NUP210L: variants seen among roughly 807,000 people sequenced by gnomAD.
NUP210L encodes nuclear pore membrane glycoprotein 210-like.
Under a neutral mutation model 208.5 loss-of-function variants are expected in NUP210L, and 74 were observed. The observed-to-expected ratio is 0.35, with a 90% CI of 0.29 to 0.43. The LOEUF is 0.43. Ranked by LOEUF, NUP210L falls within the 20% of genes least tolerant of loss-of-function variation. The pLI is 1.00. For synonymous variants in NUP210L, 780 were observed against 816.9 expected, an observed-to-expected ratio of 0.95 and a Z score of 0.77; for missense variants, 1,843 against 2,289.4, an observed-to-expected ratio of 0.81 and a Z score of 3.98.
At chr1:154,014,134 C>T (rs1651115841) in intron 33 of NUP210L, among the ~76,000 whole-genome samples, 1 of 152,086 alleles carries the variant, frequency 6.6e-6, no homozygotes, top group Non-Finnish European at 1.5e-5. Flanking sequence ...TTTTTAAATT[C>T]AAGAACCTTA....
At chr1:154,001,788 CTTG>C in exon 36 of NUP210L, 1 of 1,614,128 alleles carries the variant, frequency 6.2e-7, no homozygotes, top group Admixed American at 1.7e-5. Flanking sequence ...TCCCCGATAT[CTTG>C]TTTGTGGCTA....
intron 10 of NUP210L, among the ~76,000 whole-genome samples, chr1:154,125,905 C>G (rs1369180916): frequency 3.3e-5 from 5 of 150,734 alleles, no homozygotes; most frequent in Admixed American, 2.7e-4. Context: ...GTAGCTGGAA[C>G]TACAGGCGCC....
chr1:153,999,826 T>C (rs924417067), intron 37 of NUP210L, among the ~76,000 whole-genome samples: 7 of 151,646 alleles, frequency 4.6e-5, no homozygotes, highest in African/African-American at 1.5e-4. Flanking sequence ...AACTATTCTT[T>C]TTCCTTTTTT....
chr1:154,089,652 G>A, intron 15 of NUP210L, 58 bp from the exon 16 acceptor site: 1 of 1,376,956 alleles, frequency 7.3e-7, no homozygotes, highest in Non-Finnish European at 1.0e-6. Flanking sequence ...TGTCAGTCAT[G>A]CCAATATAAA....
In NUP210L at chr1:154,090,912, C is replaced by T. The variant is rs559399890; in HGVS notation, c.2188-1318G>A. Among the ~76,000 whole-genome samples, 312 of 151,682 alleles carry T rather than the reference C, an allele frequency of 2.1e-3. 2 individuals are homozygous for T. The highest frequency in any genetic ancestry group is 7.2e-3 in the African/African-American group (298 of 41,386). On this transcript the variant is annotated intron_variant, in intron 15 of 39. Transcript: ENST00000368559. ...TTGGTAGGAAAGTAAAATGGTACAG[C>T]TGCTGTGGAAAATAGTATGGTGGTT...
At chr1:154,029,413 CA>C (rs1652090701) in intron 28 of NUP210L, among the ~76,000 whole-genome samples, 1 of 88,942 alleles carries the variant, frequency 1.1e-5, no homozygotes, top group African/African-American at 4.1e-5. Flanking sequence ...CACAAAAAAA[CA>C]AAAAACAGGC....
intron 32 of NUP210L, among the ~76,000 whole-genome samples, chr1:154,019,664 T>C (rs1352310940): frequency 6.6e-6 from 1 of 152,098 alleles, no homozygotes; most frequent in Non-Finnish European, 1.5e-5. Flanking sequence ...CGGTGGCTCA[T>C]GTCTGTAATC....
At chr1:154,129,850 A>G (rs1398918610) in intron 7 of NUP210L, among the ~76,000 whole-genome samples, 1 of 152,220 alleles carries the variant, frequency 6.6e-6, no homozygotes, top group Non-Finnish European at 1.5e-5. Context: ...GTTTAATACC[A>G]AAATGTTCTC....
exon 31 of NUP210L, chr1:154,023,158 T>G (rs375472697): frequency 1.3e-5 from 21 of 1,613,946 alleles, no homozygotes; most frequent in Middle Eastern, 1.6e-4. Flanking sequence ...ATTGTGTGTG[T>G]GGAATTTCTC....
chr1:154,031,978 C>A (rs566118905), intron 27 of NUP210L, among the ~76,000 whole-genome samples: 1 of 152,292 alleles, frequency 6.6e-6, no homozygotes, highest in African/African-American at 2.4e-5. Flanking sequence ...CCTCCTCCCA[C>A]CTTGGCCTTC....
chr1:154,091,506 T>C lies in NUP210L; in HGVS notation c.2188-1912A>G, dbSNP rs76753328. Among the ~76,000 whole-genome samples the C allele has an allele frequency of 6.0e-4, 89 of 149,076 alleles. 1 individual carries two copies. The highest frequency in any genetic ancestry group is 1.8e-3 in the East Asian group (9 of 5,112). On this transcript the variant is annotated intron_variant, in intron 15 of 39. Transcript: ENST00000368559. ...TTTTTCTTTTCTTTTCTTTTCTTTT[T>C]TTTTTTTTTTTTGAGAGTGACTTTT...
At chr1:154,069,763 G>A (rs1654609164) in intron 17 of NUP210L, among the ~76,000 whole-genome samples, 1 of 152,148 alleles carries the variant, frequency 6.6e-6, no homozygotes, top group Non-Finnish European at 1.5e-5. Context: ...TATGTTTATT[G>A]CAGCACTATT....
chr1:153,995,402 C>A (rs924230072), intron 37 of NUP210L, among the ~76,000 whole-genome samples: 1 of 152,144 alleles, frequency 6.6e-6, no homozygotes, highest in Admixed American at 6.6e-5. Flanking sequence ...CAGAAGTATT[C>A]AAAACCCAGC....
intron 12 of NUP210L, among the ~76,000 whole-genome samples, chr1:154,113,900 C>A (rs1173000077): frequency 6.8e-6 from 1 of 147,436 alleles, no homozygotes; most frequent in Non-Finnish European, 1.5e-5. Context: ...GTGGCTCACA[C>A]CTGTAATCCC....
In NUP210L at chr1:153,995,935, AG is replaced by A. The variant is rs1439833967; in HGVS notation, c.5387-756del. Reference sequence around the variant, plus strand: ...CAGAAAATTGTTGTGAAAGTGTCGAAGGCACAAGCACAGTCAGCTAAATAAA... The same window carrying A: ...CAGAAAATTGTTGTGAAAGTGTCGAAGCACAAGCACAGTCAGCTAAATAAA... On this transcript the variant is annotated intron_variant, in intron 37 of 39. Transcript: ENST00000368559. 100 of 511,044 alleles carry A rather than the reference AG, an allele frequency of 2.0e-4. 1 individual carries two copies. Among genetic ancestry groups the A allele is most frequent in the African/African-American group, 1.7e-3 (90 of 51,656 alleles). 31.7% of individuals were successfully genotyped at this position (511,044 alleles called of 1,614,324 possible). A position where few individuals can be genotyped will look rare whatever the true frequency, so the allele number is the denominator to read the frequency against.
At chr1:154,153,885 G>A (rs950801651) in intron 1 of NUP210L, among the ~76,000 whole-genome samples, 2 of 152,158 alleles carry the variant, frequency 1.3e-5, no homozygotes, top group Non-Finnish European at 2.9e-5. Flanking sequence ...CTCATAAAAT[G>A]AGAGGTGAAT....
chr1:154,091,071 G>GTTGTTGTTA (rs368916703), intron 15 of NUP210L, among the ~76,000 whole-genome samples: 2 of 140,818 alleles, frequency 1.4e-5, no homozygotes, highest in Middle Eastern at 3.4e-3. Context: ...TATTATTGCT[G>GTTGTTGTTA]TTATTATTAT....
chr1:154,072,453 C>T (rs1467910693), intron 16 of NUP210L, among the ~76,000 whole-genome samples: 2 of 151,318 alleles, frequency 1.3e-5, no homozygotes, highest in Non-Finnish European at 2.9e-5. Context: ...CTGCTTCAGC[C>T]TCCCGAGTAG....
chr1:154,021,981 C>T, intron 32 of NUP210L, 145 bp downstream of exon 32: 1 of 685,504 alleles, frequency 1.5e-6, no homozygotes, highest in Admixed American at 2.7e-5. Context: ...GTGACCTCTC[C>T]AGCTTGGCCT....
Sources: gnomAD v4.1 joint callset for allele counts (sites outside exome capture counted in the v4.1 genomes callset) on GRCh38, gnomAD v4.1.1 for gene constraint, MANE v1.5 for transcripts, NCBI Gene and HGNC (gene_info 2026-07-23, HGNC 2026-07-21) for gene names.